The following ANO1 variants were observed in gnomAD, a reference collection of about 807,000 sequenced individuals.
ANO1 encodes anoctamin-1.
ANO1 carries 59 observed loss-of-function variants against 124.0 expected under a neutral mutation model. The observed-to-expected ratio is 0.48, with a 90% CI of 0.39 to 0.59. The LOEUF (loss-of-function observed/expected upper bound fraction) is 0.59. Ranked by LOEUF, ANO1 falls within the 20% of genes least tolerant of loss-of-function variation. The pLI is 0.00. For synonymous variants in ANO1, 529 were observed against 532.0 expected, an observed-to-expected ratio of 0.99 and a Z score of 0.08; for missense variants, 1,059 against 1,328.0, an observed-to-expected ratio of 0.80 and a Z score of 3.15.
chr11:70,006,970 C>T (rs56697759), intron 1 of ANO1, among the ~76,000 whole-genome samples: 3,042 of 151,992 alleles, frequency 0.02, 113 homozygotes, highest in African/African-American at 0.07. Context: ...ACACCCGGCC[C>T]ATTTTAATCA....
rs1047522601 is a variant in ANO1 at position 70,189,220 on chromosome 11, A to C, written c.*1216A>C. Reference sequence around the variant, plus strand: ...CATCATTTTAGCAAAGGCCAGGAGGAAAAATAGAAATAAATTTGTCTTGAA... The same window carrying C: ...CATCATTTTAGCAAAGGCCAGGAGGCAAAATAGAAATAAATTTGTCTTGAA... On this transcript the variant is annotated 3_prime_UTR_variant, in exon 26 of 26. Coordinates refer to ENST00000355303, the MANE Select transcript of ANO1 (RefSeq NM_018043.7). 1 of 152,652 alleles carries C rather than the reference A, an allele frequency of 6.6e-6. No individual in the cohort carries two copies. Among genetic ancestry groups the C allele is most frequent in the Non-Finnish European group, 1.5e-5 (1 of 68,052 alleles). 9.5% of individuals were successfully genotyped at this position (152,652 alleles called of 1,614,324 possible).
chr11:69,973,138 A>C, the ANO1 span, among the ~76,000 whole-genome samples: 2 of 151,704 alleles, frequency 1.3e-5, no homozygotes, highest in Non-Finnish European at 1.5e-5. Flanking sequence ...TGAACTCCTG[A>C]CCTCAGGTGA....
chr11:70,133,251 C>T (rs2046830935), intron 11 of ANO1, among the ~76,000 whole-genome samples: 1 of 152,180 alleles, frequency 6.6e-6, no homozygotes, highest in Admixed American at 6.5e-5. Flanking sequence ...GTGGCCCTTA[C>T]CCGCCAGCGT....
chr11:70,013,103 G>A (rs1305205548), intron 1 of ANO1, among the ~76,000 whole-genome samples: 1 of 152,218 alleles, frequency 6.6e-6, no homozygotes, highest in Admixed American at 6.5e-5. Context: ...CATTTAATCC[G>A]GGACCTGAAG....
At chr11:69,980,772 G>A in the ANO1 span, among the ~76,000 whole-genome samples, 1 of 152,030 alleles carries the variant, frequency 6.6e-6, no homozygotes, top group Admixed American at 6.6e-5. Context: ...ATAAAGTATG[G>A]GCTGGGCACG....
chr11:70,048,835 C>T (rs1315584839), intron 1 of ANO1, among the ~76,000 whole-genome samples: 3 of 152,014 alleles, frequency 2.0e-5, no homozygotes, highest in Non-Finnish European at 1.5e-5. Context: ...AATTATATCC[C>T]TTGGGGGGGC....
chr11:70,003,876 T>G (rs1856433427), intron 1 of ANO1, among the ~76,000 whole-genome samples: 1 of 152,120 alleles, frequency 6.6e-6, no homozygotes, highest in African/African-American at 2.4e-5. Context: ...CCACAGGGAA[T>G]AGTGTGAGGC....
At chr11:70,042,532 AGAGAGATT>A (rs1176325869) in intron 1 of ANO1, among the ~76,000 whole-genome samples, 3 of 151,280 alleles carry the variant, frequency 2.0e-5, no homozygotes, top group African/African-American at 7.3e-5. Context: ...AGAGAGAGAG[AGAGAGATT>A]GAGAGATTGA....
At chr11:70,171,586 C>T (rs866807793) in intron 22 of ANO1, among the ~76,000 whole-genome samples, 8 of 152,194 alleles carry the variant, frequency 5.3e-5, no homozygotes, top group Non-Finnish European at 1.0e-4. Flanking sequence ...CAACTCAACT[C>T]CAGCTTTTTC....
chr11:69,976,557 G>C, the ANO1 span, among the ~76,000 whole-genome samples: 22 of 80,370 alleles, frequency 2.7e-4, 1 homozygote, highest in African/African-American at 8.6e-4. Context: ...AAAAAAAAGA[G>C]AGAGAGAGAG....
chr11:70,030,538 C>T (rs550664227), intron 1 of ANO1, among the ~76,000 whole-genome samples: 26 of 152,300 alleles, frequency 1.7e-4, no homozygotes, highest in African/African-American at 5.1e-4. Flanking sequence ...TCACAGGCTC[C>T]GTCCCTGCCG....
At chr11:70,152,213 G>A (rs1382488823) in intron 12 of ANO1, among the ~76,000 whole-genome samples, 1 of 151,670 alleles carries the variant, frequency 6.6e-6, no homozygotes, top group Non-Finnish European at 1.5e-5. Flanking sequence ...GCGGGCGCCT[G>A]TATCCCAGCT....
chr11:70,105,661 C>T, intron 4 of ANO1, 73 bp from the exon 5 acceptor site: 2 of 1,433,418 alleles, frequency 1.4e-6, no homozygotes, highest in Non-Finnish European at 2.0e-6. Flanking sequence ...GTGTGGTTTC[C>T]CAGGGCCTTG....
rs2049203852 is a variant in ANO1, at chr11:70,187,984, T to C, written c.2941T>C (p.Tyr981His). The C allele has an allele frequency of 1.3e-6, 2 of 1,567,608 alleles. No individual in the cohort carries two copies. The highest frequency in any genetic ancestry group is 2.7e-5 in the African/African-American group (2 of 73,880). ...SLGSPAPSHA[Y>H]HGGVL ...CGGCAGCCCAGCCCCCAGCCATGCC[T>C]ACCACGGGGGCGTCCTGTAGCTATG... The change falls in exon 26 of 26, where the codon TAC becomes CAC. Residue 981 changes from tyrosine to histidine, a missense_variant. Around this residue, in one of 2 missense-constraint regions of ANO1, gnomAD observed 809 missense variants for 1,094.9 expected, o/e 0.74. Transcript: ENST00000355303.
At chr11:69,966,400 G>A in the ANO1 span, among the ~76,000 whole-genome samples, 1 of 152,208 alleles carries the variant, frequency 6.6e-6, no homozygotes, top group Admixed American at 6.5e-5. Context: ...CAGCCTTCTT[G>A]CCCTGCTGAC....
intron 1 of ANO1, among the ~76,000 whole-genome samples, chr11:70,057,856 G>C (rs1453177903): frequency 6.6e-6 from 1 of 152,104 alleles, no homozygotes; most frequent in Non-Finnish European, 1.5e-5. Context: ...GGGCTCAGAG[G>C]CCTGACAAAA....
At chr11:70,027,087 C>T (rs186073266) in intron 1 of ANO1, among the ~76,000 whole-genome samples, 1 of 152,332 alleles carries the variant, frequency 6.6e-6, no homozygotes, top group East Asian at 1.9e-4. Flanking sequence ...CCACTGGACA[C>T]TTTCTATGCA....
chr11:70,000,911 AGG>A (rs1554999169), intron 1 of ANO1, among the ~76,000 whole-genome samples: 2 of 150,794 alleles, frequency 1.3e-5, no homozygotes, highest in African/African-American at 4.9e-5. Flanking sequence ...CCAGCACAAA[AGG>A]GTACATGAGA....
At chr11:70,059,191 C>CAA (rs199951705) in intron 1 of ANO1, among the ~76,000 whole-genome samples, 1 of 140,134 alleles carries the variant, frequency 7.1e-6, no homozygotes. Context: ...GACTCTGTTT[C>CAA]AAAAAAAAAA....
Sources: gnomAD v4.1 joint callset for allele counts (sites outside exome capture counted in the v4.1 genomes callset) on GRCh38, gnomAD v4.1.1 for gene constraint, gnomAD v4.1.1 regional missense constraint, MANE v1.5 for transcripts, NCBI Gene and HGNC (gene_info 2026-07-23, HGNC 2026-07-21) for gene names.